The following HTRA1 variants were observed in gnomAD, a reference collection of about 807,000 sequenced individuals.
HTRA1 encodes the protein serine protease HTRA1.
In HTRA1, 26 loss-of-function variants were observed where a neutral mutation model predicts 49.7. That is an observed-to-expected ratio of 0.52 (90% confidence interval 0.38 to 0.73). The LOEUF (loss-of-function observed/expected upper bound fraction) is 0.73, where lower values mean the gene tolerates loss of function less well. HTRA1 is among the 30% of genes least tolerant of loss of function. HTRA1 has a pLI of 0.00. For missense variants in HTRA1, 561 were observed against 667.2 expected (o/e 0.84, Z 1.75); for synonymous variants, 291 against 286.9 (o/e 1.01, Z -0.14).
intron 1 of HTRA1, among the ~76,000 whole-genome samples, chr10:122,470,603 T>C (rs2097485710): frequency 6.6e-6 from 1 of 151,914 alleles, no homozygotes; most frequent in African/African-American, 2.4e-5. Flanking sequence ...ATATAAGGAA[T>C]ATGAAGGAGT....
intron 1 of HTRA1, among the ~76,000 whole-genome samples, chr10:122,466,899 G>A (rs2097483999): frequency 6.6e-6 from 1 of 152,102 alleles, no homozygotes; most frequent in Non-Finnish European, 1.5e-5. Context: ...TGCTCTGTTG[G>A]TTTTGCTAAA....
chr10:122,500,859 C>T (rs988817683), intron 3 of HTRA1, among the ~76,000 whole-genome samples: 2 of 152,114 alleles, frequency 1.3e-5, no homozygotes, highest in Non-Finnish European at 2.9e-5. Context: ...ACAGACCTCC[C>T]CTCCCTTCCC....
intron 1 of HTRA1, among the ~76,000 whole-genome samples, chr10:122,472,160 G>A (rs1054675625): frequency 2.0e-5 from 3 of 151,738 alleles, no homozygotes; most frequent in Non-Finnish European, 2.9e-5. Flanking sequence ...GAATATACAA[G>A]TTTTTCCTCT....
intron 2 of HTRA1, among the ~76,000 whole-genome samples, 195 bp from the exon 3 acceptor site, chr10:122,489,227 T>C (rs1163496269): frequency 1.3e-5 from 2 of 152,214 alleles, no homozygotes; most frequent in Non-Finnish European, 2.9e-5. Flanking sequence ...AGAGATTCTC[T>C]AAGAATATTT....
At chr10:122,491,462 C>A (rs930852964) in intron 3 of HTRA1, among the ~76,000 whole-genome samples, 2 of 152,236 alleles carry the variant, frequency 1.3e-5, no homozygotes, top group African/African-American at 4.8e-5. Context: ...CCTGTTCAGC[C>A]TCATGGAGCT....
At chr10:122,480,227 C>G (rs1156399784) in intron 1 of HTRA1, among the ~76,000 whole-genome samples, 2 of 151,902 alleles carry the variant, frequency 1.3e-5, no homozygotes, top group Admixed American at 1.3e-4. Context: ...AAAGGTGTGA[C>G]CTTTCTTAGT....
Position 122,514,463 on chromosome 10 carries a change from C to T in HTRA1, c.*104C>T, listed in dbSNP as rs1177282123. 3.4e-6 allele frequency: 4 copies of T among 1,170,132 alleles called. No homozygotes were observed. The Admixed American group carries it at 7.1e-5, about 21-fold the overall frequency. 72.5% of individuals were successfully genotyped at this position (1,170,132 alleles called of 1,614,324 possible). ...ATAGGACACTCAAGACTTTTGACTGCCATTTTGTTTGTTCAGTGGAGACTC... is the reference window on the plus strand; with the variant it reads ...ATAGGACACTCAAGACTTTTGACTGTCATTTTGTTTGTTCAGTGGAGACTC... On this transcript the variant is annotated 3_prime_UTR_variant, in exon 9 of 9. Coordinates refer to ENST00000368984, the MANE Select transcript of HTRA1 (RefSeq NM_002775.5).
chr10:122,466,358 G>A (rs544914921), intron 1 of HTRA1, among the ~76,000 whole-genome samples: 4 of 152,174 alleles, frequency 2.6e-5, no homozygotes, highest in Admixed American at 6.5e-5. Flanking sequence ...TGGTAGAGAC[G>A]GGGTTTCACC....
At chr10:122,479,900 G>C (rs1420526113) in intron 1 of HTRA1, among the ~76,000 whole-genome samples, 1 of 152,184 alleles carries the variant, frequency 6.6e-6, no homozygotes, top group Non-Finnish European at 1.5e-5. Context: ...TTAGCGTAGA[G>C]TGGGATTCTT....
chr10:122,491,301 C>G (rs766801149), intron 3 of HTRA1, among the ~76,000 whole-genome samples: 3 of 152,180 alleles, frequency 2.0e-5, no homozygotes, highest in Non-Finnish European at 4.4e-5. Context: ...AGGCCGGCCC[C>G]GTGGTTTGAT....
At chr10:122,480,339 GC>G (rs1048971383) in intron 1 of HTRA1, among the ~76,000 whole-genome samples, 1 of 144,432 alleles carries the variant, frequency 6.9e-6, no homozygotes, top group African/African-American at 2.5e-5. Context: ...CCACATCAGG[GC>G]GGGCGAGGGC....
chr10:122,466,858 C>T (rs1327014208), intron 1 of HTRA1, among the ~76,000 whole-genome samples: 3 of 152,190 alleles, frequency 2.0e-5, no homozygotes, highest in Non-Finnish European at 4.4e-5. Context: ...TTATGAGTCT[C>T]TGCCTGCTCT....
At position 122,506,426 on chromosome 10, in the gene HTRA1, G is replaced by C. The variant is rs2097503077; in HGVS notation, c.778-265G>C. Among the ~76,000 whole-genome samples, 1 of 152,142 alleles carries C rather than the reference G, an allele frequency of 6.6e-6. No homozygotes were observed. On this transcript the variant is annotated intron_variant, in intron 3 of 8. Transcript: ENST00000368984. This position sits in a 1 kb window ranked among gnomAD's most constrained non-coding sequence, Gnocchi z 5.2. The stretch of plus-strand genomic sequence containing the variant: ...TGATGAGACCCCGACTTGGCCTCCA[G>C]TTACCTCCCCACGGTTTCCTTGGTG...
At chr10:122,513,822 G>T (rs912369997) in intron 8 of HTRA1, among the ~76,000 whole-genome samples, 1 of 151,714 alleles carries the variant, frequency 6.6e-6, no homozygotes, top group Non-Finnish European at 1.5e-5. Context: ...TCCACCTCCT[G>T]GGTTCAAGTG....
chr10:122,470,514 A>G (rs963676186), intron 1 of HTRA1, among the ~76,000 whole-genome samples: 11 of 152,074 alleles, frequency 7.2e-5, no homozygotes, highest in Admixed American at 1.3e-4. Context: ...TTAAAGTCCA[A>G]TGATATAAGG....
intron 1 of HTRA1, 65 bp from the exon 2 acceptor site, chr10:122,488,837 A>G (rs1352009825): frequency 3.1e-6 from 4 of 1,288,828 alleles, no homozygotes; most frequent in Non-Finnish European, 4.5e-6. Context: ...CCTCTAACCC[A>G]TGTCTTTCTC....
chr10:122,461,712 C>G lies in HTRA1; in HGVS notation c.60C>G (p.Ala20=), dbSNP rs781075445. The change falls in exon 1 of 9, where the codon GCC becomes GCG. Residue 20 remains alanine, a synonymous_variant. Coordinates refer to ENST00000368984, the MANE Select transcript of HTRA1 (RefSeq NM_002775.5). ...TGCTGCTGCTGCTGGCGGCGCCCGC[C>G]TCGGCGCAGCTGTCCCGGGCCGGCC... ...PLLLLLLAAP[A]SAQLSRAGRS... 1 of 1,295,230 alleles carries G rather than the reference C, an allele frequency of 7.7e-7. No homozygotes were observed. The highest frequency in any genetic ancestry group is 1.4e-5 in the South Asian group (1 of 72,004). 80.2% of individuals were successfully genotyped at this position (1,295,230 alleles called of 1,614,324 possible).
chr10:122,512,896 C>T (rs2097506274), intron 8 of HTRA1, among the ~76,000 whole-genome samples: 1 of 152,104 alleles, frequency 6.6e-6, no homozygotes, highest in Non-Finnish European at 1.5e-5. Context: ...TTGTATCATT[C>T]TTATGCCTTT....
intron 8 of HTRA1, among the ~76,000 whole-genome samples, chr10:122,513,721 A>AT (rs2097506672): frequency 6.9e-6 from 1 of 144,050 alleles, no homozygotes; most frequent in Non-Finnish European, 1.5e-5. Flanking sequence ...CCGATGGTTT[A>AT]TTTTTTATTT....
Sources: allele counts gnomAD v4.1 joint callset (sites outside exome capture counted in the v4.1 genomes callset), GRCh38; gene constraint gnomAD v4.1.1; non-coding constraint Gnocchi (gnomAD v3.1); transcripts MANE v1.5; gene names NCBI Gene and HGNC (gene_info 2026-07-23, HGNC 2026-07-21).